The following MAP3K2 variants were observed in gnomAD, a reference collection of about 807,000 sequenced individuals.
The protein encoded by MAP3K2 is MAP/ERK kinase kinase 2.
Under a neutral mutation model 80.3 loss-of-function variants are expected in MAP3K2, and 24 were observed. The observed-to-expected ratio is 0.30, with a 90% CI of 0.22 to 0.42. MAP3K2 has a LOEUF of 0.42. MAP3K2 is among the 10% of genes least tolerant of loss of function. The pLI is 1.00. For synonymous variants in MAP3K2, 244 were observed against 253.7 expected, an observed-to-expected ratio of 0.96 and a Z score of 0.36; for missense variants, 608 against 750.1, an observed-to-expected ratio of 0.81 and a Z score of 2.21.
At chr2:127,375,411 T>TTTTA (rs1401321714) in intron 1 of MAP3K2, among the ~76,000 whole-genome samples, 1 of 117,346 alleles carries the variant, frequency 8.5e-6, no homozygotes, top group African/African-American at 3.3e-5. Flanking sequence ...TATTTATTTA[T>TTTTA]TTATTTATTT....
rs747962058 is a variant in MAP3K2, at chr2:127,322,155, A to G, written c.936T>C (p.Ser312=). The change falls in exon 12 of 17, where the codon AGT becomes AGC. Residue 312 remains serine (S), a synonymous_variant. Transcript: ENST00000682094. The surrounding 1 kb of genome is among the most constrained non-coding windows in gnomAD (Gnocchi z 4.2). ...SPTDHSLSTS[S]GSSIFTPEYD... ...ACTCTGGGGTAAAGATACTGCTTCC[A>G]CTACTAGTGCTTAAGGAATGATCAG... The G allele has an allele frequency of 1.9e-6, 3 of 1,613,858 alleles. No homozygotes were observed. The South Asian group carries it at 3.3e-5, about 18-fold the overall frequency.
In MAP3K2 at chr2:127,322,948, G is replaced by A. The variant is rs1375549674; in HGVS notation, c.839-696C>T. 6.6e-6 allele frequency among the ~76,000 whole-genome samples: 1 copy of A among 150,456 alleles called. No homozygotes were observed. Among genetic ancestry groups the A allele is most frequent in the East Asian group, 2.0e-4 (1 of 4,974 alleles). Reference sequence around the variant, plus strand: ...TAAGTATCAATCTCATCATCAAAGAGTAATTTTCTAATATCATTTAAAAGT... The same window carrying A: ...TAAGTATCAATCTCATCATCAAAGAATAATTTTCTAATATCATTTAAAAGT... On this transcript the variant is annotated intron_variant, in intron 11 of 16. Coordinates refer to ENST00000682094, the MANE Select transcript of MAP3K2 (RefSeq NM_001371910.2). This position sits in a 1 kb window ranked among gnomAD's most constrained non-coding sequence, Gnocchi z 4.2.
At chr2:127,385,565 T>A (rs941743323) in intron 1 of MAP3K2, among the ~76,000 whole-genome samples, 7 of 152,228 alleles carry the variant, frequency 4.6e-5, no homozygotes, top group African/African-American at 1.7e-4. Flanking sequence ...GGTATGCCTG[T>A]ACATGTACCT....
At chr2:127,316,172 G>C (rs751199193) in intron 14 of MAP3K2, among the ~76,000 whole-genome samples, 1 of 151,716 alleles carries the variant, frequency 6.6e-6, no homozygotes, top group Non-Finnish European at 1.5e-5. Context: ...TCAGGAGTTT[G>C]AGACCAGCCT....
At chr2:127,346,815 C>T (rs1686603647) in intron 1 of MAP3K2, among the ~76,000 whole-genome samples, 2 of 151,962 alleles carry the variant, frequency 1.3e-5, no homozygotes, top group Admixed American at 6.6e-5. Flanking sequence ...TGGCAAAACC[C>T]TGCCTCTACT....
At position 127,343,053 on chromosome 2, in the gene MAP3K2, T is replaced by C. The variant is rs1050668344; in HGVS notation, c.4+73A>G. ...TTATAAAAAGGTTTATAATAACACA[T>C]AATAGAGAAAGTTTTTTCACTTCCA... On this transcript the variant is annotated intron_variant, in intron 2 of 16. Transcript: ENST00000682094. The C allele has an allele frequency of 5.9e-6, 7 of 1,178,598 alleles. No homozygotes were observed. The African/African-American group carries it at 7.7e-5, about 13-fold the overall frequency. 73.0% of individuals were successfully genotyped at this position (1,178,598 alleles called of 1,614,324 possible). A position where few individuals can be genotyped will look rare whatever the true frequency, so the allele number is the denominator to read the frequency against.
rs767534599 is a variant in MAP3K2, at chr2:127,307,644, C to T, written c.1795G>A (p.Val599Ile). The change falls in exon 17 of 17, where the codon GTA becomes ATA. Residue 599 changes from valine (V) to isoleucine (I), a missense_variant. Physicochemically the swap from Val to Ile is conservative, Grantham distance 29. Coordinates refer to ENST00000682094, the MANE Select transcript of MAP3K2 (RefSeq NM_001371910.2). This position sits in a 1 kb window ranked among gnomAD's most constrained non-coding sequence, Gnocchi z 5.4. ...YTRDFLKRIF[V>I]EAKLRPSADE... ...GCTGAAGGTCTCAGTTTGGCCTCTA[C>T]AAAAATCCGTTTGAGGAAATCTCGA... 3 of 1,589,774 alleles carry T rather than the reference C, an allele frequency of 1.9e-6. No homozygotes were observed. The South Asian group carries it at 3.4e-5, about 18-fold the overall frequency.
chr2:127,324,295 A>G, intron 9 of MAP3K2, 54 bp from the exon 10 acceptor site: 1 of 1,093,868 alleles, frequency 9.1e-7, no homozygotes, highest in Non-Finnish European at 1.3e-6. Flanking sequence ...AGACATTAAA[A>G]AGAAAATCTT....
intron 1 of MAP3K2, among the ~76,000 whole-genome samples, chr2:127,365,528 C>T (rs537856455): frequency 3.3e-5 from 5 of 152,134 alleles, no homozygotes; most frequent in Non-Finnish European, 7.3e-5. Context: ...AGTTGCCAGC[C>T]GACTGCGCAG....
rs977291113 is a variant in MAP3K2 at position 127,387,850 on chromosome 2, C to T, written c.-464G>A. ...GGACAGGGGCGCCGAGCGTCCTGGT[C>T]GTTGTTTTCGTCGCCGCCGCGGGCC... On this transcript the variant is annotated 5_prime_UTR_variant, in exon 1 of 17. Coordinates refer to ENST00000682094, the MANE Select transcript of MAP3K2 (RefSeq NM_001371910.2). 14 of 984,766 alleles carry T rather than the reference C, an allele frequency of 1.4e-5. No individual in the cohort carries two copies. The African/African-American group carries it at 1.9e-4, about 14-fold the overall frequency. 61.0% of individuals were successfully genotyped at this position (984,766 alleles called of 1,614,324 possible).
At chr2:127,380,195 C>T (rs929659204) in intron 1 of MAP3K2, among the ~76,000 whole-genome samples, 1 of 152,150 alleles carries the variant, frequency 6.6e-6, no homozygotes, top group Non-Finnish European at 1.5e-5. Context: ...CAACAAAACG[C>T]TGCCTCTGTT....
Position 127,307,384 on chromosome 2 carries a change from A to G in MAP3K2, c.*195T>C. ...AAAAACTTCAAGTTCTTGTAAGGGA[A>G]AAAAAGATTAAATATAAAAAATTTA... On this transcript the variant is annotated 3_prime_UTR_variant, in exon 17 of 17. Coordinates refer to ENST00000682094, the MANE Select transcript of MAP3K2 (RefSeq NM_001371910.2). The surrounding 1 kb of genome is among the most constrained non-coding windows in gnomAD (Gnocchi z 5.4). The G allele has an allele frequency of 2.7e-6, 1 of 365,672 alleles. No homozygotes were observed. The highest frequency in any genetic ancestry group is 4.8e-6 in the Non-Finnish European group (1 of 207,302). The allele number at this position is 365,672 out of a possible 1,614,324, so 22.7% of individuals were successfully genotyped here.
At chr2:127,379,051 G>C (rs1687199805) in intron 1 of MAP3K2, among the ~76,000 whole-genome samples, 1 of 145,510 alleles carries the variant, frequency 6.9e-6, no homozygotes, top group South Asian at 2.2e-4. Context: ...CAAACTCCTG[G>C]GCTCCAGCGA....
intron 1 of MAP3K2, among the ~76,000 whole-genome samples, chr2:127,374,670 T>C (rs1687120009): frequency 6.6e-6 from 1 of 152,246 alleles, no homozygotes; most frequent in African/African-American, 2.4e-5. Context: ...TTGATACCAA[T>C]TCTCATTTAA....
At chr2:127,314,254 C>T (rs550855461) in intron 15 of MAP3K2, among the ~76,000 whole-genome samples, 3 of 152,254 alleles carry the variant, frequency 2.0e-5, no homozygotes, top group Middle Eastern at 3.4e-3. Context: ...TTCTTTCCCT[C>T]GGTAGTGACA....
rs1227271065 is a variant in MAP3K2, at chr2:127,364,239, C to G, written c.-65-21045G>C. On this transcript the variant is annotated intron_variant, in intron 1 of 16. Coordinates refer to ENST00000682094, the MANE Select transcript of MAP3K2 (RefSeq NM_001371910.2). The surrounding 1 kb of genome is among the most constrained non-coding windows in gnomAD (Gnocchi z 4.1). ...CTTACTACTAATTTGCATCTCAAAA[C>G]AATTTACCCAGGAAACCATTCGGAT... 2.0e-5 allele frequency among the ~76,000 whole-genome samples: 3 copies of G among 152,090 alleles called. No individual in the cohort carries two copies. The East Asian group carries it at 5.8e-4, about 29-fold the overall frequency.
In MAP3K2 at chr2:127,364,920, G is replaced by A. The variant is rs1686945137; in HGVS notation, c.-65-21726C>T. ...AGGCAGGCAGATCACCTGAGGTCAG[G>A]AGTTTGAGACCGGCCTGGCCAACAT... On this transcript the variant is annotated intron_variant, in intron 1 of 16. Transcript: ENST00000682094. This position sits in a 1 kb window ranked among gnomAD's most constrained non-coding sequence, Gnocchi z 4.1. Among the ~76,000 whole-genome samples, 1 of 152,004 alleles carries A rather than the reference G, an allele frequency of 6.6e-6. No homozygotes were observed. The highest frequency in any genetic ancestry group is 2.4e-5 in the African/African-American group (1 of 41,392).
intron 5 of MAP3K2, among the ~76,000 whole-genome samples, chr2:127,333,696 C>T (rs769794484): frequency 6.6e-6 from 1 of 151,990 alleles, no homozygotes; most frequent in Admixed American, 6.6e-5. Flanking sequence ...CAAGAGGCCA[C>T]CAAAATATAA....
chr2:127,319,648 TACAAAAAAAAA>T (rs1685974943), intron 12 of MAP3K2, among the ~76,000 whole-genome samples: 3 of 2,016 alleles, frequency 1.5e-3, no homozygotes, highest in African/African-American at 5.8e-3. Flanking sequence ...CTACTAAAAA[TACAAAAAAAAA>T]AAAAAAAAAA....
Sources: gnomAD v4.1 joint callset for allele counts (sites outside exome capture counted in the v4.1 genomes callset) on GRCh38, gnomAD v4.1.1 for gene constraint, Gnocchi (gnomAD v3.1) non-coding constraint, MANE v1.5 for transcripts, NCBI Gene and HGNC (gene_info 2026-07-23, HGNC 2026-07-21) for gene names.